The following MCTP1 variants were observed in gnomAD, a reference collection of about 807,000 sequenced individuals.
The protein encoded by MCTP1 is multiple C2 and transmembrane domain-containing protein 1.
Under a neutral mutation model 120.6 loss-of-function variants are expected in MCTP1, and 69 were observed. The ratio of observed to expected loss-of-function variants is 0.57; its 90% confidence interval spans 0.47 to 0.70. The LOEUF (loss-of-function observed/expected upper bound fraction) is 0.70, where lower values mean the gene tolerates loss of function less well. Ranked by LOEUF, MCTP1 falls within the 30% of genes least tolerant of loss-of-function variation. MCTP1 has a pLI of 0.00. For synonymous variants in MCTP1, 529 were observed against 493.1 expected (o/e 1.07, Z -0.96); for missense variants, 1,203 against 1,248.8 (o/e 0.96, Z 0.55).
chr5:95,156,930 T>C (rs143043509), intron 1 of MCTP1, among the ~76,000 whole-genome samples: 164 of 152,310 alleles, frequency 1.1e-3, no homozygotes, highest in Non-Finnish European at 1.7e-3. Flanking sequence ...TATTTTCTCA[T>C]GCATTCATGG....
At chr5:95,022,875 T>C (rs1198824167) in intron 1 of MCTP1, among the ~76,000 whole-genome samples, 3 of 151,984 alleles carry the variant, frequency 2.0e-5, no homozygotes, top group African/African-American at 7.3e-5. Context: ...TATGAAGTCA[T>C]TGGGAGAGAA....
At chr5:94,857,199 A>G (rs1794889178) in intron 17 of MCTP1, among the ~76,000 whole-genome samples, 1 of 151,694 alleles carries the variant, frequency 6.6e-6, no homozygotes, top group African/African-American at 2.4e-5. Flanking sequence ...TTTGCTGCTG[A>G]AGTCATCTGA....
At chr5:95,159,825 G>C (rs1466123700) in intron 1 of MCTP1, among the ~76,000 whole-genome samples, 1 of 152,110 alleles carries the variant, frequency 6.6e-6, no homozygotes, top group East Asian at 1.9e-4. Flanking sequence ...GTTCTACCTA[G>C]AGTGATCATA....
chr5:94,909,454 C>G (rs759087655), intron 9 of MCTP1, 73 bp from the exon 10 acceptor site: 7 of 1,480,210 alleles, frequency 4.7e-6, no homozygotes, highest in Non-Finnish European at 6.4e-6. Context: ...GACACTAAAT[C>G]AAACTTTTGG....
intron 2 of MCTP1, among the ~76,000 whole-genome samples, chr5:94,970,800 A>T (rs958379292): frequency 2.0e-5 from 3 of 152,132 alleles, no homozygotes; most frequent in Non-Finnish European, 2.9e-5. Context: ...CTATTTAAAA[A>T]ATCAGAATAT....
chr5:95,056,266 A>G (rs1201671520), intron 1 of MCTP1, among the ~76,000 whole-genome samples: 1 of 152,218 alleles, frequency 6.6e-6, no homozygotes, highest in Non-Finnish European at 1.5e-5. Context: ...TCATTAATAC[A>G]TCTTTCACAA....
chr5:94,990,451 T>C (rs1410538120), intron 2 of MCTP1, among the ~76,000 whole-genome samples: 1 of 152,190 alleles, frequency 6.6e-6, no homozygotes, highest in Non-Finnish European at 1.5e-5. Flanking sequence ...CTGAGGCCTT[T>C]AGCTGCCAGA....
At chr5:95,280,348 A>C (rs1760214193) in intron 1 of MCTP1, among the ~76,000 whole-genome samples, 1 of 152,222 alleles carries the variant, frequency 6.6e-6, no homozygotes, top group Non-Finnish European at 1.5e-5. Context: ...AATTTTAACA[A>C]AATTTATTTA....
chr5:95,117,797 A>T (rs1057120091), intron 1 of MCTP1, among the ~76,000 whole-genome samples: 1 of 152,228 alleles, frequency 6.6e-6, no homozygotes, highest in Admixed American at 6.5e-5. Flanking sequence ...GATAAAGAAA[A>T]TATGGTACCT....
intron 12 of MCTP1, among the ~76,000 whole-genome samples, chr5:94,883,948 C>T (rs1298019428): frequency 6.6e-6 from 1 of 152,168 alleles, no homozygotes; most frequent in Non-Finnish European, 1.5e-5. Flanking sequence ...GTATATAAAA[C>T]TTTCAAAGAT....
At chr5:94,907,089 CAAAT>C (rs1807108786) in intron 10 of MCTP1, among the ~76,000 whole-genome samples, 2 of 152,258 alleles carry the variant, frequency 1.3e-5, no homozygotes, top group South Asian at 4.1e-4. Flanking sequence ...ATGCAAGCTT[CAAAT>C]AAATAAAGAA....
intron 1 of MCTP1, among the ~76,000 whole-genome samples, chr5:95,134,013 C>T (rs891457746): frequency 2.0e-5 from 3 of 152,200 alleles, no homozygotes; most frequent in Admixed American, 2.0e-4. Context: ...ATAATTAGTG[C>T]ATGCTTGGCA....
intron 1 of MCTP1, among the ~76,000 whole-genome samples, chr5:95,067,153 C>A (rs577807230): frequency 7.9e-5 from 12 of 151,956 alleles, no homozygotes; most frequent in African/African-American, 2.9e-4. Context: ...GTGGGGGGAT[C>A]GGAAGAGGCT....
chr5:94,755,813 C>T (rs1469904587), intron 19 of MCTP1, among the ~76,000 whole-genome samples: 3 of 152,190 alleles, frequency 2.0e-5, no homozygotes, highest in African/African-American at 7.2e-5. Flanking sequence ...CTTTGTATCT[C>T]TAATGGGTAA....
intron 2 of MCTP1, among the ~76,000 whole-genome samples, chr5:94,959,404 T>C (rs893655515): frequency 6.6e-6 from 1 of 152,182 alleles, no homozygotes; most frequent in Non-Finnish European, 1.5e-5. Context: ...CAATATAGTA[T>C]TGAAAGTTCC....
chr5:94,922,494 CCT>C (rs547791203), intron 7 of MCTP1, among the ~76,000 whole-genome samples: 1,548 of 151,010 alleles, frequency 0.01, 28 homozygotes, highest in African/African-American at 0.036. Context: ...ATATTCCCCC[CCT>C]TTTTTTTTTG....
intron 19 of MCTP1, among the ~76,000 whole-genome samples, chr5:94,736,768 G>T (rs1764358220): frequency 6.6e-6 from 1 of 152,056 alleles, no homozygotes; most frequent in South Asian, 2.1e-4. Context: ...GGTAATAGAG[G>T]TAAATTCTGA....
intron 1 of MCTP1, among the ~76,000 whole-genome samples, chr5:95,049,562 A>G (rs933053638): frequency 6.6e-6 from 1 of 152,202 alleles, no homozygotes; most frequent in African/African-American, 2.4e-5. Flanking sequence ...AAATAATCAT[A>G]ATGAAAGGAC....
At chr5:94,795,221 C>T (rs564881676) in intron 18 of MCTP1, among the ~76,000 whole-genome samples, 1 of 145,110 alleles carries the variant, frequency 6.9e-6, no homozygotes, top group South Asian at 2.3e-4. Flanking sequence ...TGAGCATATT[C>T]CTTTGCTTAC....
Sources: gnomAD v4.1 joint callset for allele counts (sites outside exome capture counted in the v4.1 genomes callset) on GRCh38, gnomAD v4.1.1 for gene constraint, MANE v1.5 for transcripts, NCBI Gene and HGNC (gene_info 2026-07-23, HGNC 2026-07-21) for gene names.